The following HDAC8 variants were observed in gnomAD, a reference collection of about 807,000 sequenced individuals.
HDAC8 encodes histone deacetylase-like 1.
In HDAC8, 1 loss-of-function variant was observed where a neutral mutation model predicts 32.2. The observed-to-expected ratio is 0.03, with a 90% CI of 0.01 to 0.15. The LOEUF (loss-of-function observed/expected upper bound fraction) is 0.15. HDAC8 is among the 10% of genes least tolerant of loss of function. The pLI is 1.00. For missense variants in HDAC8, 117 were observed against 300.0 expected (o/e 0.39, Z 4.51); for synonymous variants, 108 against 113.9 (o/e 0.95, Z 0.33).
At chrX:72,525,204 C>A (rs1337283652) in intron 4 of HDAC8, among the ~76,000 whole-genome samples, 1 of 112,142 alleles carries the variant, frequency 8.9e-6, no homozygotes, top group Non-Finnish European at 1.9e-5. Context: ...AGATTAAGAG[C>A]TTTTTAAAAG....
At chrX:72,553,083 C>G (rs1556078532) in intron 4 of HDAC8, among the ~76,000 whole-genome samples, 1 of 110,983 alleles carries the variant, frequency 9.0e-6, no homozygotes, top group African/African-American at 3.3e-5. Context: ...CTCCCTCTGT[C>G]GCCCAGGCTG....
chrX:72,570,740 G>A (rs1556151009), intron 2 of HDAC8, among the ~76,000 whole-genome samples: 1 of 111,667 alleles, frequency 9.0e-6, no homozygotes, highest in African/African-American at 3.3e-5. Flanking sequence ...ACACTAGTTG[G>A]TATGAGCACT....
intron 10 of HDAC8, among the ~76,000 whole-genome samples, chrX:72,335,379 C>T (rs1265668198): frequency 3.6e-5 from 4 of 112,140 alleles, no homozygotes; most frequent in East Asian, 2.8e-4. Context: ...GCCCGGCAAC[C>T]ATCATCTTTT....
intron 9 of HDAC8, among the ~76,000 whole-genome samples, chrX:72,366,864 G>T (rs2044716811): frequency 9.0e-6 from 1 of 111,636 alleles, no homozygotes; most frequent in Admixed American, 9.5e-5. Context: ...TTCCACTCAC[G>T]CTTTAACAAA....
intron 7 of HDAC8, among the ~76,000 whole-genome samples, chrX:72,482,365 G>A (rs1173107745): frequency 4.5e-5 from 5 of 112,038 alleles, no homozygotes; most frequent in Admixed American, 1.9e-4. Context: ...GAAAATGAAG[G>A]GAAAGGTGGT....
At chrX:72,356,636 G>A (rs954577911) in intron 9 of HDAC8, among the ~76,000 whole-genome samples, 1 of 109,696 alleles carries the variant, frequency 9.1e-6, no homozygotes. Flanking sequence ...GTTCAGTGTC[G>A]TGATCTCGAC....
chrX:72,470,777 T>TA (rs202093649), intron 7 of HDAC8, among the ~76,000 whole-genome samples: 1,176 of 111,870 alleles, frequency 0.011, 9 homozygotes, highest in Non-Finnish European at 0.016. Flanking sequence ...TTGATTCTAC[T>TA]AAAAAATCTG....
intron 4 of HDAC8, among the ~76,000 whole-genome samples, chrX:72,549,673 C>T (rs1360843007): frequency 9.0e-6 from 1 of 111,671 alleles, no homozygotes; most frequent in Non-Finnish European, 1.9e-5. Flanking sequence ...AATCTTCACC[C>T]CATAGGCTTC....
intron 9 of HDAC8, among the ~76,000 whole-genome samples, chrX:72,426,806 CTA>C (rs782414666): frequency 2.7e-5 from 3 of 110,393 alleles, no homozygotes; most frequent in Admixed American, 1.9e-4. Context: ...CCCACTGTGA[CTA>C]TACTTGGAGA....
At chrX:72,439,640 A>C (rs1209711934) in intron 9 of HDAC8, among the ~76,000 whole-genome samples, 2 of 63,364 alleles carry the variant, frequency 3.2e-5, no homozygotes, top group Non-Finnish European at 4.8e-5. Context: ...AATGGAAAGC[A>C]AAAAAAAAAA....
At chrX:72,364,346 C>T (rs932931747) in intron 9 of HDAC8, among the ~76,000 whole-genome samples, 11 of 111,229 alleles carry the variant, frequency 9.9e-5, no homozygotes, top group South Asian at 7.7e-4. Flanking sequence ...TGCAGGAGTT[C>T]GCGCCCTCTG....
chrX:72,572,141 A>T, intron 1 of HDAC8, 32 bp from the exon 2 acceptor site: 1 of 1,144,111 alleles, frequency 8.7e-7, no homozygotes. Flanking sequence ...AAAAAAAAGA[A>T]AAGCAGAAAT....
At chrX:72,429,163 A>G (rs1342842505) in intron 9 of HDAC8, among the ~76,000 whole-genome samples, 3 of 109,571 alleles carry the variant, frequency 2.7e-5, no homozygotes, top group African/African-American at 1.0e-4. Context: ...AAGAAACCCT[A>G]TTTCCTTACA....
intron 9 of HDAC8, among the ~76,000 whole-genome samples, chrX:72,352,069 T>C (rs1266556061): frequency 1.8e-5 from 2 of 111,688 alleles, no homozygotes; most frequent in Admixed American, 1.9e-4. Flanking sequence ...TGTCCAACGG[T>C]CTCTCTGCTT....
intron 9 of HDAC8, among the ~76,000 whole-genome samples, chrX:72,376,672 G>A (rs1555958219): frequency 9.0e-6 from 1 of 111,568 alleles, no homozygotes; most frequent in African/African-American, 3.3e-5. Flanking sequence ...ACCCGCCTTG[G>A]CCTCCCAAAG....
At chrX:72,417,331 A>T (rs2046372003) in intron 9 of HDAC8, among the ~76,000 whole-genome samples, 2 of 111,818 alleles carry the variant, frequency 1.8e-5, no homozygotes, top group Admixed American at 1.9e-4. Context: ...TACCTAGAAA[A>T]TGCCACAGTC....
chrX:72,494,814 G>A (rs1556011977), intron 5 of HDAC8, among the ~76,000 whole-genome samples: 2 of 111,741 alleles, frequency 1.8e-5, no homozygotes, highest in Middle Eastern at 4.6e-3. Context: ...AAAGAGACAA[G>A]ACTGTCATCC....
chrX:72,521,011 TA>T (rs1431406806), intron 4 of HDAC8, among the ~76,000 whole-genome samples: 3 of 112,462 alleles, frequency 2.7e-5, no homozygotes, highest in Non-Finnish European at 5.6e-5. Context: ...CTGAGTTTAA[TA>T]ACTTGTTTAA....
chrX:72,409,036 C>G (rs1335579114), intron 9 of HDAC8, among the ~76,000 whole-genome samples: 3 of 112,051 alleles, frequency 2.7e-5, no homozygotes, highest in Non-Finnish European at 3.8e-5. Flanking sequence ...TTCTGAGAAC[C>G]ACACTTTCAC....
Sources: allele counts gnomAD v4.1 joint callset (sites outside exome capture counted in the v4.1 genomes callset), GRCh38; gene constraint gnomAD v4.1.1; transcripts MANE v1.5; gene names NCBI Gene and HGNC (gene_info 2026-07-23, HGNC 2026-07-21).